The following TNFRSF19 variants were observed in gnomAD, a reference collection of about 807,000 sequenced individuals.
TNFRSF19 encodes the protein TNF receptor superfamily member 19.
In TNFRSF19, 27 loss-of-function variants were observed where a neutral mutation model predicts 46.4. The observed-to-expected ratio is 0.58, with a 90% CI of 0.43 to 0.80. TNFRSF19 has a LOEUF of 0.80. Among genes scored for constraint, TNFRSF19 ranks in the 30% least tolerant of loss-of-function variants. TNFRSF19 has a pLI of 0.00. For missense variants in TNFRSF19, 511 were observed against 530.8 expected, an observed-to-expected ratio of 0.96 and a Z score of 0.37; for synonymous variants, 204 against 205.0, an observed-to-expected ratio of 1.00 and a Z score of 0.04.
intron 3 of TNFRSF19, among the ~76,000 whole-genome samples, chr13:23,614,646 T>C (rs1415631201): frequency 6.6e-6 from 1 of 151,964 alleles, no homozygotes; most frequent in African/African-American, 2.4e-5. Flanking sequence ...TGTCTGTTTT[T>C]TGTTAATGAT....
chr13:23,586,954 A>T (rs1291369397), intron 1 of TNFRSF19, among the ~76,000 whole-genome samples: 2 of 151,460 alleles, frequency 1.3e-5, no homozygotes, highest in Non-Finnish European at 3.0e-5. Context: ...ACAGAGAAAC[A>T]GTTTCTCTGT....
At chr13:23,614,980 A>T (rs548481477) in intron 3 of TNFRSF19, among the ~76,000 whole-genome samples, 12 of 152,186 alleles carry the variant, frequency 7.9e-5, no homozygotes, top group African/African-American at 2.9e-4. Context: ...AATGGTGTAA[A>T]GTTCTTGGTC....
intron 7 of TNFRSF19, among the ~76,000 whole-genome samples, chr13:23,661,513 G>C (rs1884366189): frequency 6.6e-6 from 1 of 152,208 alleles, no homozygotes; most frequent in Non-Finnish European, 1.5e-5. Context: ...TCATGTGCAT[G>C]TGTCTTTATG....
intron 1 of TNFRSF19, among the ~76,000 whole-genome samples, chr13:23,584,836 G>A (rs1246732506): frequency 6.6e-6 from 1 of 152,102 alleles, no homozygotes; most frequent in Non-Finnish European, 1.5e-5. Flanking sequence ...GAGTTCCTAG[G>A]CTACAAAGAG....
chr13:23,610,681 AT>A (rs1465620159), intron 3 of TNFRSF19, among the ~76,000 whole-genome samples: 1 of 152,266 alleles, frequency 6.6e-6, no homozygotes, highest in Middle Eastern at 3.4e-3. Context: ...ATCAGCAGGC[AT>A]TTATTTATTA....
intron 3 of TNFRSF19, among the ~76,000 whole-genome samples, chr13:23,608,913 C>G (rs529634121): frequency 3.9e-5 from 6 of 152,180 alleles, no homozygotes; most frequent in African/African-American, 1.4e-4. Flanking sequence ...GAGCTACGCT[C>G]GACCTTGCCA....
intron 5 of TNFRSF19, among the ~76,000 whole-genome samples, chr13:23,649,382 C>A (rs1039292509): frequency 2.0e-5 from 3 of 151,846 alleles, no homozygotes; most frequent in African/African-American, 7.3e-5. Context: ...TCTTATAATC[C>A]TTTTTATTTC....
chr13:23,649,536 A>G (rs1172254810), intron 5 of TNFRSF19, among the ~76,000 whole-genome samples: 1 of 150,108 alleles, frequency 6.7e-6, no homozygotes, highest in Non-Finnish European at 1.5e-5. Context: ...TTATTTTCCT[A>G]TTCTCTATTT....
intron 3 of TNFRSF19, among the ~76,000 whole-genome samples, chr13:23,594,716 A>G (rs1200647556): frequency 6.6e-6 from 1 of 152,238 alleles, no homozygotes; most frequent in Non-Finnish European, 1.5e-5. Context: ...CCTGCCTGCC[A>G]GTTCTGAAGA....
chr13:23,636,824 C>T (rs1445549311), intron 5 of TNFRSF19, among the ~76,000 whole-genome samples: 1 of 152,168 alleles, frequency 6.6e-6, no homozygotes, highest in Non-Finnish European at 1.5e-5. Flanking sequence ...GGAGCTCACT[C>T]TCCTAGTTTC....
intron 6 of TNFRSF19, among the ~76,000 whole-genome samples, 175 bp from the exon 7 acceptor site, chr13:23,660,190 C>G (rs1239492425): frequency 2.0e-5 from 3 of 152,226 alleles, no homozygotes; most frequent in African/African-American, 7.2e-5. Context: ...CATTAGTACC[C>G]TACATTTTGA....
rs367848693 is a variant in TNFRSF19, at chr13:23,593,470, T to A, written c.180+15T>A. 6.5e-6 allele frequency: 10 copies of A among 1,527,306 alleles called. No homozygotes were observed. The highest frequency in any genetic ancestry group is 5.6e-5 in the Admixed American group (3 of 53,420). The allele number at this position is 1,527,306 out of a possible 1,614,324, so 94.6% of individuals were successfully genotyped here. A position where few individuals can be genotyped will look rare whatever the true frequency, so the allele number is the denominator to read the frequency against. On this transcript the variant is annotated intron_variant, in intron 3 of 9. Transcript: ENST00000248484. The stretch of plus-strand genomic sequence containing the variant: ...AGTTGTCTAAGGTATATTGGATACA[T>A]GGCAAAGTTGTGTATCTGTGTTTGT...
At chr13:23,617,029 G>A (rs1395149252) in intron 4 of TNFRSF19, among the ~76,000 whole-genome samples, 4 of 152,202 alleles carry the variant, frequency 2.6e-5, no homozygotes, top group Non-Finnish European at 5.9e-5. Context: ...CAGTGACAGC[G>A]TAAATTGGGT....
At chr13:23,581,365 C>T (rs1442189316) in intron 1 of TNFRSF19, among the ~76,000 whole-genome samples, 1 of 152,046 alleles carries the variant, frequency 6.6e-6, no homozygotes, top group Non-Finnish European at 1.5e-5. Context: ...CCAGGATGGT[C>T]TCAATCTCCT....
intron 3 of TNFRSF19, among the ~76,000 whole-genome samples, chr13:23,612,872 T>C (rs1566184416): frequency 6.6e-6 from 1 of 152,196 alleles, no homozygotes; most frequent in Non-Finnish European, 1.5e-5. Flanking sequence ...ATTGGATTAC[T>C]TGTACAGTTT....
At chr13:23,632,654 G>T (rs979208041) in intron 5 of TNFRSF19, among the ~76,000 whole-genome samples, 1 of 152,128 alleles carries the variant, frequency 6.6e-6, no homozygotes, top group African/African-American at 2.4e-5. Flanking sequence ...GTAGTCAAAG[G>T]TTGCTTATGT....
At chr13:23,622,519 A>C (rs1881735552) in intron 4 of TNFRSF19, among the ~76,000 whole-genome samples, 1 of 152,228 alleles carries the variant, frequency 6.6e-6, no homozygotes, top group African/African-American at 2.4e-5. Flanking sequence ...CTTTTAAAAA[A>C]AATTTTGGCA....
At chr13:23,670,694 G>A (rs898546920) in intron 9 of TNFRSF19, among the ~76,000 whole-genome samples, 7 of 152,226 alleles carry the variant, frequency 4.6e-5, no homozygotes, top group Non-Finnish European at 7.4e-5. Flanking sequence ...GCCGAGAGCA[G>A]GTAACAAGTC....
intron 3 of TNFRSF19, among the ~76,000 whole-genome samples, chr13:23,600,191 A>G (rs1418661933): frequency 1.3e-5 from 2 of 152,188 alleles, no homozygotes; most frequent in Non-Finnish European, 2.9e-5. Flanking sequence ...TTCTGATTTC[A>G]TATATATGAG....
Sources: gnomAD v4.1 joint callset for allele counts (sites outside exome capture counted in the v4.1 genomes callset) on GRCh38, gnomAD v4.1.1 for gene constraint, MANE v1.5 for transcripts, NCBI Gene and HGNC (gene_info 2026-07-23, HGNC 2026-07-21) for gene names.